Variants in SRBD1 observed in about 807,000 individuals in gnomAD.
SRBD1 encodes the protein S1 RNA binding domain 1.
Under a neutral mutation model 115.3 loss-of-function variants are expected in SRBD1, and 88 were observed. The ratio of observed to expected loss-of-function variants is 0.76; its 90% confidence interval spans 0.64 to 0.91. The LOEUF (loss-of-function observed/expected upper bound fraction) is 0.91, where lower values mean the gene tolerates loss of function less well. Ranked by LOEUF, SRBD1 falls within the 40% of genes least tolerant of loss-of-function variation. SRBD1 has a pLI of 0.00. For synonymous variants in SRBD1, 509 were observed against 407.7 expected (o/e 1.25, Z -2.99); for missense variants, 1,385 against 1,177.4 (o/e 1.18, Z -2.58).
In SRBD1 at chr2:45,418,686, AAC is replaced by A. The variant is rs761490150; in HGVS notation, c.2157-147_2157-146del. On this transcript the variant is annotated intron_variant, in intron 17 of 20. Transcript: ENST00000263736. ...ATCCAAAAGGGAGTTTAAAAAAAAA[AAC>A]AAAAAAAAAACGGAGAAAAAAAGAG... is the stretch of plus-strand genomic sequence containing the variant. 9.7e-6 allele frequency: 7 copies of A among 719,758 alleles called. No individual in the cohort carries two copies. In the Admixed American group the frequency reaches 1.2e-4, roughly 12 times the overall value. The allele number at this position is 719,758 out of a possible 1,614,324, so 44.6% of individuals were successfully genotyped here. A position where few individuals can be genotyped will look rare whatever the true frequency, so the allele number is the denominator to read the frequency against.
chr2:45,568,686 T>C (rs1163050143), intron 9 of SRBD1, among the ~76,000 whole-genome samples: 2 of 152,170 alleles, frequency 1.3e-5, no homozygotes, highest in Non-Finnish European at 2.9e-5. Flanking sequence ...TAAAATATTT[T>C]CAAGCAGAAA....
intron 20 of SRBD1, among the ~76,000 whole-genome samples, chr2:45,390,744 TCTTCC>T (rs1666973542): frequency 1.3e-5 from 2 of 152,216 alleles, no homozygotes; most frequent in African/African-American, 4.8e-5. Context: ...GTCACCCCTT[TCTTCC>T]CTTCCCCCAG....
intron 14 of SRBD1, among the ~76,000 whole-genome samples, chr2:45,538,806 T>C (rs1045724498): frequency 1.3e-5 from 2 of 152,202 alleles, no homozygotes; most frequent in South Asian, 2.1e-4. Flanking sequence ...CAAGAAAATA[T>C]ATAAAAACAT....
chr2:45,423,187 T>C (rs1668056666), intron 16 of SRBD1, among the ~76,000 whole-genome samples: 1 of 152,110 alleles, frequency 6.6e-6, no homozygotes, highest in South Asian at 2.1e-4. Context: ...AACTTCAAAC[T>C]TAAAAAACAA....
At chr2:45,437,457 A>G (rs1451622608) in intron 16 of SRBD1, among the ~76,000 whole-genome samples, 1 of 152,234 alleles carries the variant, frequency 6.6e-6, no homozygotes, top group Non-Finnish European at 1.5e-5. Flanking sequence ...AGCAAAGGCA[A>G]TACAATGGAG....
At chr2:45,611,058 C>T (rs1479854835) in intron 1 of SRBD1, among the ~76,000 whole-genome samples, 161 bp downstream of exon 1, 1 of 152,152 alleles carries the variant, frequency 6.6e-6, no homozygotes, top group African/African-American at 2.4e-5. Flanking sequence ...TGTGAGAGAC[C>T]GCTGACAGTA....
In SRBD1 at chr2:45,511,721, A is replaced by C. The variant is rs577674741; in HGVS notation, c.1875-23390T>G. On this transcript the variant is annotated intron_variant, in intron 14 of 20. Coordinates refer to ENST00000263736, the MANE Select transcript of SRBD1 (RefSeq NM_018079.5). ...TATTCCTTCTGCACTTTTCATAAGA[A>C]GCCTCTTAGACTTGAATTATCAAAT... Among the ~76,000 whole-genome samples, 5 of 152,338 alleles carry C rather than the reference A, an allele frequency of 3.3e-5. No individual in the cohort carries two copies. The East Asian group carries it at 7.7e-4, about 23-fold the overall frequency.
At chr2:45,458,935 TAA>T (rs3835988) in intron 16 of SRBD1, among the ~76,000 whole-genome samples, 27,124 of 151,930 alleles carry the variant, frequency 0.18, 3,284 homozygotes, top group African/African-American at 0.33. Context: ...TCTCAAATAC[TAA>T]AGAGTTGGTA....
chr2:45,452,191 G>A (rs1669019320), intron 16 of SRBD1, among the ~76,000 whole-genome samples: 1 of 151,900 alleles, frequency 6.6e-6, no homozygotes, highest in South Asian at 2.1e-4. Context: ...TTATTTTACA[G>A]TTCAATTTCT....
At chr2:45,503,095 A>C (rs1317446526) in intron 14 of SRBD1, among the ~76,000 whole-genome samples, 1 of 152,184 alleles carries the variant, frequency 6.6e-6, no homozygotes, top group African/African-American at 2.4e-5. Context: ...ACTATGTGAA[A>C]GCTTAAGAGT....
At chr2:45,542,433 T>C (rs1184187254) in intron 14 of SRBD1, among the ~76,000 whole-genome samples, 3 of 152,136 alleles carry the variant, frequency 2.0e-5, no homozygotes, top group Non-Finnish European at 4.4e-5. Flanking sequence ...CCCAGGAGCA[T>C]GGGGCTCCTC....
intron 16 of SRBD1, among the ~76,000 whole-genome samples, chr2:45,463,849 A>C (rs930973488): frequency 5.3e-5 from 8 of 152,184 alleles, no homozygotes; most frequent in African/African-American, 1.9e-4. Flanking sequence ...GTACACTAAA[A>C]ACTCCCTTAG....
intron 5 of SRBD1, among the ~76,000 whole-genome samples, chr2:45,584,634 C>A (rs1673461734): frequency 6.6e-6 from 1 of 152,202 alleles, no homozygotes; most frequent in African/African-American, 2.4e-5. Context: ...AGAATGTACA[C>A]ATTAACACAG....
intron 16 of SRBD1, among the ~76,000 whole-genome samples, chr2:45,470,153 C>G (rs1558416668): frequency 6.6e-6 from 1 of 152,128 alleles, no homozygotes; most frequent in African/African-American, 2.4e-5. Context: ...GGCAAGAAAC[C>G]TTACTTTATT....
Position 45,574,105 on chromosome 2 carries a change from C to T in SRBD1, c.1169+522G>A, listed in dbSNP as rs78990124. ...CCCAAGAAGGCTCTAGGTCAAAGAT[C>T]TTTAATGTCTGATAAATTGGGACTG... On this transcript the variant is annotated intron_variant, in intron 8 of 20. Transcript: ENST00000263736. 7.7e-3 allele frequency among the ~76,000 whole-genome samples: 1,172 copies of T among 152,204 alleles called. 15 individuals carry two copies. The highest frequency in any genetic ancestry group is 0.027 in the African/African-American group (1,101 of 41,518).
intron 16 of SRBD1, among the ~76,000 whole-genome samples, chr2:45,464,234 G>A (rs1429822055): frequency 1.3e-5 from 2 of 152,056 alleles, no homozygotes; most frequent in Admixed American, 6.6e-5. Flanking sequence ...CCATTCTAAT[G>A]CTCTCTGGCC....
chr2:45,489,951 CCTTT>C (rs1403720636), intron 14 of SRBD1, among the ~76,000 whole-genome samples: 2 of 152,116 alleles, frequency 1.3e-5, no homozygotes, highest in Non-Finnish European at 2.9e-5. Context: ...TATCTCTCTT[CCTTT>C]GCCTTTTTCT....
chr2:45,545,652 C>T (rs1672093723), intron 14 of SRBD1, among the ~76,000 whole-genome samples: 2 of 152,158 alleles, frequency 1.3e-5, no homozygotes, highest in Non-Finnish European at 2.9e-5. Context: ...CACCGTATTT[C>T]CCAGGCCAAC....
chr2:45,452,644 CT>C (rs907018357), intron 16 of SRBD1, among the ~76,000 whole-genome samples: 1 of 151,950 alleles, frequency 6.6e-6, no homozygotes, highest in Non-Finnish European at 1.5e-5. Flanking sequence ...ATACTGGTGT[CT>C]TTTGCTTTAA....
Sources: allele counts gnomAD v4.1 joint callset (sites outside exome capture counted in the v4.1 genomes callset), GRCh38; gene constraint gnomAD v4.1.1; transcripts MANE v1.5; gene names NCBI Gene and HGNC (gene_info 2026-07-23, HGNC 2026-07-21).